The following KLRC2 variants were observed in gnomAD, a reference collection of about 807,000 sequenced individuals.
KLRC2 encodes NKG2-C type II integral membrane protein.
KLRC2 carries 10 observed loss-of-function variants against 25.5 expected under a neutral mutation model. The ratio of observed to expected loss-of-function variants is 0.39; its 90% CI spans 0.24 to 0.67. KLRC2 has a LOEUF of 0.67. Among genes scored for constraint, KLRC2 ranks in the 30% least tolerant of loss-of-function variants. The probability of loss-of-function intolerance (pLI) is 0.45; values close to 1 mark genes in which losing one functional copy is unlikely to be tolerated. For missense variants in KLRC2, 170 were observed against 272.8 expected (o/e 0.62, Z 2.65); for synonymous variants, 48 against 93.3 (o/e 0.51, Z 2.80).
rs1167668777 is a variant in KLRC2, at chr12:10,430,669, A to G, written c.*448T>C. On this transcript the variant is annotated 3_prime_UTR_variant, in exon 6 of 6. Transcript: ENST00000381902. ...TACATTTCATGCACTTAAAATGATT[A>G]AAAATCAATGATGTTTAGTATATTC... 1.3e-5 allele frequency: 2 copies of G among 148,394 alleles called. 1 individual carries two copies. The highest frequency in any genetic ancestry group is 2.9e-5 in the Non-Finnish European group (2 of 68,424). 9.2% of individuals were successfully genotyped at this position (148,394 alleles called of 1,614,324 possible).
At chr12:10,433,243 G>A (rs113624243) in intron 4 of KLRC2, among the ~76,000 whole-genome samples, 1 of 141,858 alleles carries the variant, frequency 7.0e-6, no homozygotes, top group African/African-American at 2.7e-5. Context: ...ACATACTACT[G>A]ATAACTGCAA....
chr12:10,434,082 T>G lies in KLRC2; in HGVS notation c.332-140A>C. 1.6e-6 allele frequency: 2 copies of G among 1,278,134 alleles called. 1 individual carries two copies. The highest frequency in any genetic ancestry group is 5.4e-5 in the East Asian group (2 of 36,832). The allele number at this position is 1,278,134 out of a possible 1,614,324, so 79.2% of individuals were successfully genotyped here. A position where few individuals can be genotyped will look rare whatever the true frequency, so the allele number is the denominator to read the frequency against. ...CAGGCTTATAAATGTATATTTTTAA[T>G]AACTGAGTCAGTCATACACACATGC... On this transcript the variant is annotated intron_variant, in intron 3 of 5. Transcript: ENST00000381902.
In KLRC2 at chr12:10,432,062, C is replaced by T. The variant is rs374674244; in HGVS notation, c.584+44G>A. 2,372 of 1,312,654 alleles carry T rather than the reference C, an allele frequency of 1.8e-3. 265 individuals carry two copies. The highest frequency in any genetic ancestry group is 2.3e-3 in the Non-Finnish European group (2,192 of 952,846). 81.3% of individuals were successfully genotyped at this position (1,312,654 alleles called of 1,614,324 possible). On this transcript the variant is annotated intron_variant, in intron 5 of 5. Coordinates refer to ENST00000381902, the MANE Select transcript of KLRC2 (RefSeq NM_002260.4). ...ATTCATATTATTCTTCTGAATTTAT[C>T]CTTTATATATATTTTTTATATAGCG...
At chr12:10,431,796 C>T (rs1328695026) in intron 5 of KLRC2, among the ~76,000 whole-genome samples, 10 of 131,958 alleles carry the variant, frequency 7.6e-5, no homozygotes, top group Admixed American at 7.4e-4. Context: ...TTTTTTTTAG[C>T]TCGTCAGCTA....
Position 10,434,180 on chromosome 12 carries a change from T to C in KLRC2, c.332-238A>G, listed in dbSNP as rs1032090343. On this transcript the variant is annotated intron_variant, in intron 3 of 5. Coordinates refer to ENST00000381902, the MANE Select transcript of KLRC2 (RefSeq NM_002260.4). The stretch of plus-strand genomic sequence containing the variant: ...CAAATGAACAAACAAAAATACACTC[T>C]ACACATGTGTTGAACATCGCTGATA... The C allele has an allele frequency of 2.4e-4, 166 of 704,472 alleles. 13 individuals are homozygous for C. The highest frequency in any genetic ancestry group is 3.7e-4 in the Non-Finnish European group (157 of 420,794). 43.6% of individuals were successfully genotyped at this position (704,472 alleles called of 1,614,324 possible).
intron 2 of KLRC2, chr12:10,435,070 A>G (rs573468182): frequency 9.4e-7 from 1 of 1,066,378 alleles, no homozygotes; most frequent in South Asian, 1.8e-5. Flanking sequence ...TGATTTTTAT[A>G]AAAAGTAATA....
chr12:10,431,184 T>C lies in KLRC2; in HGVS notation c.629A>G (p.Gln210Arg). The C allele has an allele frequency of 6.5e-7, 1 of 1,549,574 alleles. No homozygotes were observed. The highest frequency in any genetic ancestry group is 1.1e-5 in the South Asian group (1 of 89,136). Residue 210 changes from glutamine (Q) to arginine (R), a missense_variant, in exon 6 of 6, where the codon CAA (glutamine) becomes CGA (arginine). Gln to Arg is a conservative substitution (Grantham distance 43). Around this residue, in one of 3 missense-constraint regions of KLRC2, gnomAD observed 129 missense variants for 150.2 expected, o/e 0.86. Transcript: ENST00000381902. ...CTGGGCTGATTTAAGTCGATTTACT[T>C]GTAGCACTGCACAGTTAAGTTCAGC... ...DNAELNCAVL[Q>R]VNRLKSAQCG...
rs376307266 is a variant in KLRC2 at position 10,435,290 on chromosome 12, A to G, written c.286+22T>C. 6,480 of 1,608,678 alleles carry G rather than the reference A, an allele frequency of 4.0e-3. 239 individuals carry two copies. In the African/African-American group the frequency reaches 0.078, roughly 19 times the overall value. ...GCATTAAAGTAAAACGTTCCCTTCT[A>G]ATCTTTCAAGAATATGCTTACAAGG... is the stretch of plus-strand genomic sequence containing the variant. On this transcript the variant is annotated intron_variant, in intron 2 of 5. Transcript: ENST00000381902.
At chr12:10,432,481 A>G (rs543774011) in intron 4 of KLRC2, among the ~76,000 whole-genome samples, 1 of 99,944 alleles carries the variant, frequency 1.0e-5, no homozygotes, top group South Asian at 3.0e-4. Flanking sequence ...CTGTGCATTC[A>G]TTCCTCCAGA....
At chr12:10,435,481 T>C (rs1863860158) in intron 1 of KLRC2, 71 bp from the exon 2 acceptor site, 1 of 1,534,502 alleles carries the variant, frequency 6.5e-7, no homozygotes, top group Admixed American at 1.7e-5. Context: ...TACTAGAGAA[T>C]TACATACTAG....
chr12:10,430,715 A>G lies in KLRC2; in HGVS notation c.*402T>C, dbSNP rs1863801585. 6.2e-6 allele frequency: 1 copy of G among 161,360 alleles called. No individual in the cohort carries two copies. The highest frequency in any genetic ancestry group is 1.3e-4 in the South Asian group (1 of 7,572). The allele number at this position is 161,360 out of a possible 1,614,324, so 10.0% of individuals were successfully genotyped here. A position where few individuals can be genotyped will look rare whatever the true frequency, so the allele number is the denominator to read the frequency against. ...TATTCGCAGAGTTACAACCATCACC[A>G]CTACTGAAATTTAGAAAGTTTTCAT... On this transcript the variant is annotated 3_prime_UTR_variant, in exon 6 of 6. Transcript: ENST00000381902.
Position 10,433,783 on chromosome 12 carries a change from C to G in KLRC2, c.483+8G>C. 6.5e-7 allele frequency: 1 copy of G among 1,546,944 alleles called. No individual in the cohort carries two copies. ...TTTCATAAAATGTTTGAAACATTTACATCTTACCATTTCTTCTTCATTATC... is the reference window on the plus strand; with the variant it reads ...TTTCATAAAATGTTTGAAACATTTAGATCTTACCATTTCTTCTTCATTATC... On this transcript the variant is annotated splice_region_variant and intron_variant, in intron 4 of 5. Transcript: ENST00000381902.
intron 4 of KLRC2, among the ~76,000 whole-genome samples, chr12:10,433,432 G>C (rs1448834461): frequency 3.5e-5 from 5 of 141,644 alleles, no homozygotes; most frequent in African/African-American, 1.4e-4. Context: ...CACAGGGGTG[G>C]AACTGCTAGA....
Position 10,431,849 on chromosome 12 carries a change from G to T in KLRC2, c.584+257C>A, listed in dbSNP as rs61917666. Among the ~76,000 whole-genome samples the T allele has an allele frequency of 2.2e-5, 3 of 137,306 alleles. No homozygotes were observed. The East Asian group carries it at 6.5e-4, about 30-fold the overall frequency. 90.1% of individuals were successfully genotyped at this position (137,306 alleles called of 152,430 possible). ...TTCTATGTGTGGCCCAAGACTATTC[G>T]TCTTCTAACGTGGCCCACAGAAGCC... On this transcript the variant is annotated intron_variant, in intron 5 of 5. Coordinates refer to ENST00000381902, the MANE Select transcript of KLRC2 (RefSeq NM_002260.4).
chr12:10,434,770 ATT>A (rs1317096623), intron 2 of KLRC2, among the ~76,000 whole-genome samples: 4 of 152,084 alleles, frequency 2.6e-5, no homozygotes, highest in Non-Finnish European at 4.4e-5. Flanking sequence ...TCAAAAATTA[ATT>A]TGTTTTTCTA....
chr12:10,433,309 C>T (rs1363713046), intron 4 of KLRC2, among the ~76,000 whole-genome samples: 1 of 141,748 alleles, frequency 7.1e-6, no homozygotes, highest in African/African-American at 2.7e-5. Context: ...ATGAAATTCA[C>T]ACTGCTTGAT....
chr12:10,435,931 C>T lies in KLRC2; in HGVS notation c.56G>A (p.Arg19Gln), dbSNP rs75545535. ...SEVSLAQDPKRQQRKPKGNKS... is the reference protein window; with the variant it reads ...SEVSLAQDPKQQQRKPKGNKS... ...ATTGCCTTTAGGTTTCCTTTGCTGC[C>T]GCTTTGGGTCCTGGGCCAGACTCAC... The change falls in exon 1 of 6, where the codon CGG becomes CAG. Residue 19 changes from arginine (R) to glutamine (Q), a missense_variant. Physicochemically the swap from Arg to Gln is conservative, Grantham distance 43 (BLOSUM62 1). Around this residue, in one of 3 missense-constraint regions of KLRC2, gnomAD observed 37 missense variants for 68.0 expected, o/e 0.54. Coordinates refer to ENST00000381902, the MANE Select transcript of KLRC2 (RefSeq NM_002260.4). The T allele has an allele frequency of 2.3e-5, 35 of 1,515,890 alleles. No homozygotes were observed. The highest frequency in any genetic ancestry group is 3.0e-5 in the African/African-American group (2 of 65,806). The allele number at this position is 1,515,890 out of a possible 1,614,324, so 93.9% of individuals were successfully genotyped here.
chr12:10,434,008 A>G lies in KLRC2; in HGVS notation c.332-66T>C, dbSNP rs1307985295. 1.9e-5 allele frequency: 29 copies of G among 1,508,076 alleles called. 6 individuals are homozygous for G. The highest frequency in any genetic ancestry group is 3.6e-4 in the Middle Eastern group (2 of 5,600). 93.4% of individuals were successfully genotyped at this position (1,508,076 alleles called of 1,614,324 possible). The stretch of plus-strand genomic sequence containing the variant: ...TTTAAAAATGAAAATTAGTTCACAT[A>G]TTTCAACAGTATAAACATATATGTG... On this transcript the variant is annotated intron_variant, in intron 3 of 5. Transcript: ENST00000381902.
At chr12:10,433,437 G>A (rs1241747086) in intron 4 of KLRC2, among the ~76,000 whole-genome samples, 4 of 141,834 alleles carry the variant, frequency 2.8e-5, no homozygotes, top group Admixed American at 2.1e-4. Context: ...GGGTGGAACT[G>A]CTAGAGCTGG....
Sources: gnomAD v4.1 joint callset for allele counts (sites outside exome capture counted in the v4.1 genomes callset) on GRCh38, gnomAD v4.1.1 for gene constraint, gnomAD v4.1.1 regional missense constraint, MANE v1.5 for transcripts, NCBI Gene and HGNC (gene_info 2026-07-23, HGNC 2026-07-21) for gene names.